Variants in SYT1 observed in about 807,000 individuals in gnomAD.
SYT1 encodes synaptotagmin 1.
A neutral mutation model predicts 44.8 loss-of-function variants in SYT1; 8 were observed. The observed-to-expected ratio is 0.18, with a 90% CI of 0.10 to 0.32. The LOEUF (loss-of-function observed/expected upper bound fraction) is 0.32. SYT1 is among the 10% of genes least tolerant of loss of function. SYT1 has a pLI of 1.00. For missense variants in SYT1, 286 were observed against 509.3 expected, an observed-to-expected ratio of 0.56 and a Z score of 4.22; for synonymous variants, 154 against 188.8, an observed-to-expected ratio of 0.82 and a Z score of 1.51.
At chr12:78,869,461 AG>A (rs1327597707) in intron 1 of SYT1, among the ~76,000 whole-genome samples, 3 of 152,008 alleles carry the variant, frequency 2.0e-5, no homozygotes, top group South Asian at 2.1e-4. Context: ...TTATTAAAAA[AG>A]GAAAACTTTT....
At chr12:79,001,547 T>A (rs1870743824) in intron 2 of SYT1, among the ~76,000 whole-genome samples, 1 of 152,166 alleles carries the variant, frequency 6.6e-6, no homozygotes, top group African/African-American at 2.4e-5. Flanking sequence ...TAATGGTTGG[T>A]AAGATCAGGT....
At chr12:78,921,774 C>G (rs1877018302) in intron 1 of SYT1, among the ~76,000 whole-genome samples, 1 of 151,832 alleles carries the variant, frequency 6.6e-6, no homozygotes, top group African/African-American at 2.4e-5. Context: ...ATGTTATTTA[C>G]TAGTTTTGTC....
chr12:79,036,270 G>A (rs552310747), intron 2 of SYT1, among the ~76,000 whole-genome samples: 1 of 151,896 alleles, frequency 6.6e-6, no homozygotes, highest in South Asian at 2.1e-4. Flanking sequence ...CAGAATGTAA[G>A]TACCTGACAA....
intron 9 of SYT1, among the ~76,000 whole-genome samples, chr12:79,386,654 G>T (rs190287468): frequency 1.3e-4 from 20 of 152,114 alleles, no homozygotes; most frequent in Non-Finnish European, 1.9e-4. Flanking sequence ...CTGTATTCCT[G>T]GTATTCCCTG....
chr12:78,956,701 A>G (rs1016625894), intron 1 of SYT1, among the ~76,000 whole-genome samples: 3 of 152,094 alleles, frequency 2.0e-5, no homozygotes, highest in African/African-American at 7.2e-5. Context: ...TATATAAGGG[A>G]GTTTCAAAAA....
chr12:79,064,970 A>AAG (rs1555194757), intron 3 of SYT1, among the ~76,000 whole-genome samples: 22 of 150,740 alleles, frequency 1.5e-4, no homozygotes, highest in African/African-American at 5.4e-4. Context: ...GAAAGAAAGA[A>AAG]AGAAAGAAAG....
chr12:79,153,159 T>C (rs1870385426), intron 3 of SYT1, among the ~76,000 whole-genome samples: 1 of 152,122 alleles, frequency 6.6e-6, no homozygotes, highest in Non-Finnish European at 1.5e-5. Context: ...GGGGCTGAGT[T>C]CTAGCCCAAG....
At chr12:79,382,817 A>T (rs1268849777) in intron 9 of SYT1, among the ~76,000 whole-genome samples, 4 of 152,248 alleles carry the variant, frequency 2.6e-5, no homozygotes, top group African/African-American at 9.6e-5. Flanking sequence ...AAATATAAAA[A>T]TATAGTGCAG....
chr12:78,927,341 G>A (rs1250476771), intron 1 of SYT1, among the ~76,000 whole-genome samples: 4 of 152,010 alleles, frequency 2.6e-5, no homozygotes, highest in East Asian at 1.9e-4. Context: ...ATTTCCTTGG[G>A]CTCTTTTGAA....
chr12:79,295,433 A>G (rs1398815471), intron 6 of SYT1, among the ~76,000 whole-genome samples: 1 of 152,212 alleles, frequency 6.6e-6, no homozygotes, highest in Non-Finnish European at 1.5e-5. Context: ...CTTGCTTTCT[A>G]TGAAGCTGAA....
chr12:78,981,756 TA>T (rs1869280223), intron 2 of SYT1, among the ~76,000 whole-genome samples: 1 of 152,206 alleles, frequency 6.6e-6, no homozygotes, highest in Non-Finnish European at 1.5e-5. Flanking sequence ...ATGAAATAGT[TA>T]TTGAATACCT....
At chr12:79,271,401 A>C (rs1878418152) in intron 4 of SYT1, among the ~76,000 whole-genome samples, 1 of 152,174 alleles carries the variant, frequency 6.6e-6, no homozygotes, top group Admixed American at 6.5e-5. Context: ...GAAGCACTAA[A>C]TTTGTATACA....
intron 9 of SYT1, among the ~76,000 whole-genome samples, chr12:79,384,764 A>C (rs1884363713): frequency 6.6e-6 from 1 of 151,980 alleles, no homozygotes; most frequent in African/African-American, 2.4e-5. Flanking sequence ...ATGAAAGCTG[A>C]TTTTCTATTG....
chr12:79,123,056 T>A (rs982835206), intron 3 of SYT1, among the ~76,000 whole-genome samples: 2 of 152,228 alleles, frequency 1.3e-5, no homozygotes, highest in South Asian at 2.1e-4. Context: ...CAGAAACTTG[T>A]ATGTTTAATT....
intron 9 of SYT1, among the ~76,000 whole-genome samples, chr12:79,405,433 T>C (rs1885210063): frequency 6.6e-6 from 1 of 152,192 alleles, no homozygotes; most frequent in Non-Finnish European, 1.5e-5. Context: ...TTAGAAGATT[T>C]AGAGTAATAT....
At chr12:79,033,625 G>A (rs1013446833) in intron 2 of SYT1, among the ~76,000 whole-genome samples, 1 of 151,326 alleles carries the variant, frequency 6.6e-6, no homozygotes, top group African/African-American at 2.4e-5. Context: ...GGGATCTAGA[G>A]TCTAGTATTC....
intron 1 of SYT1, among the ~76,000 whole-genome samples, chr12:78,903,049 A>G (rs890036689): frequency 2.6e-5 from 4 of 152,148 alleles, no homozygotes; most frequent in African/African-American, 7.2e-5. Context: ...AATTTTACAG[A>G]ATCAATTCTT....
At chr12:79,448,872 A>G (rs771531265) in intron 10 of SYT1, 46 bp from the exon 11 acceptor site, 8 of 1,576,528 alleles carry the variant, frequency 5.1e-6, no homozygotes, top group Admixed American at 3.3e-5. Context: ...GTCGGGCCTT[A>G]TCTCTAGAGC....
At chr12:79,203,839 A>G (rs1474517465) in intron 3 of SYT1, among the ~76,000 whole-genome samples, 1 of 152,230 alleles carries the variant, frequency 6.6e-6, no homozygotes, top group Non-Finnish European at 1.5e-5. Context: ...GTAATTATTT[A>G]TACTAGAGTA....
Sources: gnomAD v4.1 joint callset for allele counts (sites outside exome capture counted in the v4.1 genomes callset) on GRCh38, gnomAD v4.1.1 for gene constraint, MANE v1.5 for transcripts, NCBI Gene and HGNC (gene_info 2026-07-23, HGNC 2026-07-21) for gene names.